Variants in PTPRD observed in about 807,000 individuals in gnomAD.
PTPRD encodes the protein receptor-type tyrosine-protein phosphatase delta.
Under a neutral mutation model 214.5 loss-of-function variants are expected in PTPRD, and 34 were observed. That is an observed-to-expected ratio of 0.16 (90% CI 0.12 to 0.21). The LOEUF is 0.21. Among genes scored for constraint, PTPRD ranks in the 10% least tolerant of loss-of-function variants. The probability of loss-of-function intolerance (pLI) is 1.00; values close to 1 mark genes in which losing one functional copy is unlikely to be tolerated. For missense variants in PTPRD, 2,545 were observed against 2,398.7 expected, an observed-to-expected ratio of 1.06 and a Z score of -1.27; for synonymous variants, 1,128 against 845.7, an observed-to-expected ratio of 1.33 and a Z score of -5.79.
intron 8 of PTPRD, among the ~76,000 whole-genome samples, chr9:9,418,896 T>C (rs1569568149): frequency 6.6e-6 from 1 of 151,810 alleles, no homozygotes. Context: ...GAAAGAAAGG[T>C]TATTTGAATT....
intron 2 of PTPRD, among the ~76,000 whole-genome samples, chr9:10,451,713 T>G (rs960254800): frequency 6.6e-6 from 1 of 151,932 alleles, no homozygotes; most frequent in Non-Finnish European, 1.5e-5. Context: ...CAAATTTCAC[T>G]AATAAAGTGG....
chr9:10,046,373 C>G (rs974878479), intron 3 of PTPRD, among the ~76,000 whole-genome samples: 4 of 151,724 alleles, frequency 2.6e-5, no homozygotes, highest in African/African-American at 4.8e-5. Flanking sequence ...ATTTGAGAAA[C>G]TTAAATTATA....
At chr9:9,387,348 G>T (rs2064205603) in intron 9 of PTPRD, among the ~76,000 whole-genome samples, 1 of 151,976 alleles carries the variant, frequency 6.6e-6, no homozygotes, top group Non-Finnish European at 1.5e-5. Context: ...GTCTCATTTT[G>T]GTGAATGTTA....
intron 34 of PTPRD, among the ~76,000 whole-genome samples, chr9:8,447,983 G>T (rs192587146): frequency 7.2e-5 from 11 of 152,056 alleles, no homozygotes; most frequent in African/African-American, 2.7e-4. Flanking sequence ...TCTATACATT[G>T]AGTTTGCTAA....
intron 11 of PTPRD, among the ~76,000 whole-genome samples, chr9:8,765,021 A>G (rs2094624835): frequency 6.6e-6 from 1 of 152,154 alleles, no homozygotes; most frequent in South Asian, 2.1e-4. Context: ...TATTAATTCC[A>G]GAAGTTTATT....
At chr9:8,873,708 G>T (rs1473945221) in intron 11 of PTPRD, among the ~76,000 whole-genome samples, 1 of 152,002 alleles carries the variant, frequency 6.6e-6, no homozygotes, top group Non-Finnish European at 1.5e-5. Flanking sequence ...TTATGTAAGT[G>T]GTTGATTTTA....
At chr9:9,270,837 T>C (rs1166455513) in intron 9 of PTPRD, among the ~76,000 whole-genome samples, 1 of 151,266 alleles carries the variant, frequency 6.6e-6, no homozygotes, top group African/African-American at 2.4e-5. Flanking sequence ...TCACACACAT[T>C]TTAAGGGTAG....
intron 5 of PTPRD, among the ~76,000 whole-genome samples, chr9:9,918,495 T>C (rs776163058): frequency 3.3e-5 from 5 of 151,988 alleles, no homozygotes; most frequent in Non-Finnish European, 5.9e-5. Context: ...AGCAATCTGA[T>C]TCGATTAAAT....
intron 36 of PTPRD, among the ~76,000 whole-genome samples, chr9:8,403,897 G>A (rs2092702220): frequency 6.6e-6 from 1 of 152,054 alleles, no homozygotes; most frequent in Non-Finnish European, 1.5e-5. Flanking sequence ...GGCCTCTTCT[G>A]ACAATCACCT....
intron 12 of PTPRD, among the ~76,000 whole-genome samples, chr9:8,699,805 G>T (rs1435924869): frequency 6.6e-6 from 1 of 151,754 alleles, no homozygotes; most frequent in East Asian, 1.9e-4. Flanking sequence ...CATACTCCAT[G>T]GTAATATTTT....
chr9:9,220,647 G>A (rs1336705190), intron 9 of PTPRD, among the ~76,000 whole-genome samples: 1 of 152,044 alleles, frequency 6.6e-6, no homozygotes, highest in South Asian at 2.1e-4. Context: ...CATTTCGGGG[G>A]GTTGAATTCA....
At chr9:10,303,986 C>G (rs562623108) in intron 3 of PTPRD, among the ~76,000 whole-genome samples, 3 of 152,226 alleles carry the variant, frequency 2.0e-5, no homozygotes, top group African/African-American at 4.8e-5. Context: ...GCTAATATCC[C>G]TGATGAACAT....
At chr9:8,936,428 A>AAAAAT (rs1567114004) in intron 11 of PTPRD, among the ~76,000 whole-genome samples, 1 of 36,342 alleles carries the variant, frequency 2.8e-5, no homozygotes, top group East Asian at 6.8e-4. Flanking sequence ...CCCTGCCTCC[A>AAAAAT]AAAAAAAAAA....
At chr9:8,606,244 C>A (rs1595086371) in intron 14 of PTPRD, among the ~76,000 whole-genome samples, 3 of 152,112 alleles carry the variant, frequency 2.0e-5, no homozygotes, top group Admixed American at 1.3e-4. Context: ...TTCACAAACA[C>A]ACACACACAC....
chr9:9,572,381 G>T (rs1287874048), intron 8 of PTPRD, among the ~76,000 whole-genome samples: 1 of 151,124 alleles, frequency 6.6e-6, no homozygotes, highest in Non-Finnish European at 1.5e-5. Context: ...TTTGAATCAG[G>T]ATTATTACTT....
chr9:10,074,807 T>C (rs1590366873), intron 3 of PTPRD, among the ~76,000 whole-genome samples: 1 of 152,090 alleles, frequency 6.6e-6, no homozygotes, highest in Non-Finnish European at 1.5e-5. Context: ...ACAGTATATA[T>C]AGCATCAATC....
At chr9:9,147,048 AC>A in intron 10 of PTPRD, among the ~76,000 whole-genome samples, 1 of 152,280 alleles carries the variant, frequency 6.6e-6, no homozygotes, top group African/African-American at 2.4e-5. Context: ...GACTTTAACT[AC>A]CACCAAATTG....
intron 9 of PTPRD, among the ~76,000 whole-genome samples, chr9:9,290,209 G>C (rs1950711788): frequency 6.6e-6 from 1 of 151,702 alleles, no homozygotes; most frequent in Admixed American, 6.6e-5. Context: ...ATGAGGATTA[G>C]TTATGTTGAA....
At chr9:10,344,002 T>C (rs915434488) in intron 2 of PTPRD, among the ~76,000 whole-genome samples, 1 of 143,538 alleles carries the variant, frequency 7.0e-6, no homozygotes, top group Non-Finnish European at 1.5e-5. Context: ...TTTTTTTTTT[T>C]TTTTTGCTGT....
Sources: allele counts gnomAD v4.1 joint callset (sites outside exome capture counted in the v4.1 genomes callset), GRCh38; gene constraint gnomAD v4.1.1; transcripts MANE v1.5; gene names NCBI Gene and HGNC (gene_info 2026-07-23, HGNC 2026-07-21).